Variants in EGLN1 observed in about 807,000 individuals in gnomAD.
The protein encoded by EGLN1 is egl-9 family hypoxia inducible factor 1.
EGLN1 carries 17 observed loss-of-function variants against 38.3 expected under a neutral mutation model. That is an observed-to-expected ratio of 0.44 (90% CI 0.30 to 0.67). The LOEUF (loss-of-function observed/expected upper bound fraction) is 0.67, where lower values mean the gene tolerates loss of function less well. EGLN1 is among the 30% of genes least tolerant of loss of function. EGLN1 has a pLI of 0.08. For missense variants in EGLN1, 477 were observed against 603.3 expected (o/e 0.79, Z 2.19); for synonymous variants, 283 against 257.5 (o/e 1.10, Z -0.95).
At chr1:231,366,809 C>T (rs1477693991) in intron 4 of EGLN1, among the ~76,000 whole-genome samples, 3 of 152,162 alleles carry the variant, frequency 2.0e-5, no homozygotes, top group Non-Finnish European at 2.9e-5. Context: ...TTTAAAAATA[C>T]ATAGAAAATG....
chr1:231,412,982 T>C (rs1558081386), intron 1 of EGLN1, among the ~76,000 whole-genome samples: 1 of 151,746 alleles, frequency 6.6e-6, no homozygotes, highest in Admixed American at 6.6e-5. Flanking sequence ...ATATCCAGAA[T>C]ATATCCTACA....
chr1:231,418,848 C>G (rs2790861), intron 1 of EGLN1, among the ~76,000 whole-genome samples: 22,690 of 143,998 alleles, frequency 0.16, 2,107 homozygotes, highest in African/African-American at 0.26. Flanking sequence ...GGCAACAAAG[C>G]AAGACCCTGT....
At chr1:231,403,562 G>A (rs1688713937) in intron 1 of EGLN1, among the ~76,000 whole-genome samples, 1 of 151,804 alleles carries the variant, frequency 6.6e-6, no homozygotes, top group African/African-American at 2.4e-5. Context: ...CCTGAGGTTG[G>A]GAGTTCAAGA....
At chr1:231,374,503 T>C (rs565568432) in intron 1 of EGLN1, among the ~76,000 whole-genome samples, 3 of 149,834 alleles carry the variant, frequency 2.0e-5, no homozygotes, top group African/African-American at 7.3e-5. Flanking sequence ...CATCTGACAC[T>C]GTCTCTGAAT....
At chr1:231,388,499 G>C (rs1558385790) in intron 1 of EGLN1, among the ~76,000 whole-genome samples, 1 of 152,126 alleles carries the variant, frequency 6.6e-6, no homozygotes, top group Non-Finnish European at 1.5e-5. Context: ...GTCTGTCTCA[G>C]TCTCACTCTG....
intron 1 of EGLN1, among the ~76,000 whole-genome samples, chr1:231,396,958 A>G (rs891642323): frequency 1.3e-5 from 2 of 152,202 alleles, no homozygotes; most frequent in African/African-American, 2.4e-5. Flanking sequence ...ACATCTTAAA[A>G]GAAGCTCTTA....
Position 231,366,387 on chromosome 1 carries a change from T to G in EGLN1, c.*24A>C, listed in dbSNP as rs762088768. On this transcript the variant is annotated 3_prime_UTR_variant, in exon 5 of 5. Transcript: ENST00000366641. Reference sequence around the variant, plus strand: ...ATAGTTAACAATATTGTAGGTGAAGTGGGGTATTGCTGGATCAAAGGCTCT... The same window carrying G: ...ATAGTTAACAATATTGTAGGTGAAGGGGGGTATTGCTGGATCAAAGGCTCT... 10 of 1,610,636 alleles carry G rather than the reference T, an allele frequency of 6.2e-6. No homozygotes were observed. The African/African-American group carries it at 1.3e-4, about 22-fold the overall frequency.
intron 1 of EGLN1, among the ~76,000 whole-genome samples, chr1:231,382,922 G>A (rs112122937): frequency 0.015 from 2,243 of 152,020 alleles, 70 homozygotes; most frequent in African/African-American, 0.051. Flanking sequence ...CCCAGGTGGG[G>A]TGGCACACGC....
At chr1:231,373,589 C>A (rs1177098906) in intron 2 of EGLN1, among the ~76,000 whole-genome samples, 1 of 151,998 alleles carries the variant, frequency 6.6e-6, no homozygotes, top group Non-Finnish European at 1.5e-5. Flanking sequence ...GATATATACG[C>A]ACACCCTCAT....
At chr1:231,396,934 T>C (rs1688544150) in intron 1 of EGLN1, among the ~76,000 whole-genome samples, 1 of 152,154 alleles carries the variant, frequency 6.6e-6, no homozygotes, top group African/African-American at 2.4e-5. Flanking sequence ...TAACTCTCTC[T>C]ACCTCCAATA....
intron 1 of EGLN1, among the ~76,000 whole-genome samples, chr1:231,381,666 T>G (rs1016872455): frequency 1.3e-5 from 2 of 152,214 alleles, no homozygotes; most frequent in Admixed American, 1.3e-4. Flanking sequence ...TTCATTTCCC[T>G]TTTAGTGAAG....
intron 1 of EGLN1, among the ~76,000 whole-genome samples, chr1:231,415,081 G>C (rs1689043128): frequency 6.6e-6 from 1 of 151,950 alleles, no homozygotes. Flanking sequence ...GACCAGCCTA[G>C]ACAACATAAC....
At position 231,415,186 on chromosome 1, in the gene EGLN1, T is replaced by C. The variant is rs555055970; in HGVS notation, c.891+5812A>G. On this transcript the variant is annotated intron_variant, in intron 1 of 4. Transcript: ENST00000366641. ...TACTACGGAGACTCAAGTGGGAGGA[T>C]TGTTTGAGCCCAGGAGCTGGAGGCT... Among the ~76,000 whole-genome samples, 371 of 151,466 alleles carry C rather than the reference T, an allele frequency of 2.4e-3. 1 individual carries two copies. Among genetic ancestry groups the C allele is most frequent in the African/African-American group, 6.8e-3 (280 of 41,218 alleles).
chr1:231,409,757 T>C (rs1688887735), intron 1 of EGLN1, among the ~76,000 whole-genome samples: 1 of 152,228 alleles, frequency 6.6e-6, no homozygotes, highest in African/African-American at 2.4e-5. Flanking sequence ...TTACAGCTAA[T>C]ACTAATTGAG....
chr1:231,419,595 G>A (rs1656498924), intron 1 of EGLN1, among the ~76,000 whole-genome samples: 1 of 152,054 alleles, frequency 6.6e-6, no homozygotes, highest in African/African-American at 2.4e-5. Context: ...TTTTATCAAT[G>A]AAAATCTAGT....
rs547747077 is a variant in EGLN1, at chr1:231,383,057, CAAAAAAAAAAAAA to C, written c.892-8971_892-8959del. 7.3e-3 allele frequency among the ~76,000 whole-genome samples: 513 copies of C among 70,574 alleles called. 2 individuals are homozygous for C. The highest frequency in any genetic ancestry group is 0.03 in the African/African-American group (481 of 15,866). 46.3% of individuals were successfully genotyped at this position (70,574 alleles called of 152,430 possible). ...TGGGCAACAGAGCGAAACTCTGTCT[CAAAAAAAAAAAAA>C]AAAAAAAAAAAAAAAAGGTGCTTGT... On this transcript the variant is annotated intron_variant, in intron 1 of 4. Coordinates refer to ENST00000366641, the MANE Select transcript of EGLN1 (RefSeq NM_022051.3).
Position 231,367,609 on chromosome 1 carries a change from A to G in EGLN1, c.1176T>C (p.Asp392=), listed in dbSNP as rs1437636787. 4 of 1,614,056 alleles carry G rather than the reference A, an allele frequency of 2.5e-6. No individual in the cohort carries two copies. Among genetic ancestry groups the G allele is most frequent in the Admixed American group, 3.3e-5 (2 of 60,028 alleles). ...TRYAITVWYF[D]ADERARAKVK... ...CTTTAGCTCGTGCTCTCTCATCTGC[A>G]TCAAAATACCAAACAGTTATTGCGT... is the stretch of plus-strand genomic sequence containing the variant. The change falls in exon 4 of 5, where the codon GAT becomes GAC. Residue 392 remains aspartate (D), a synonymous_variant. Transcript: ENST00000366641.
chr1:231,369,243 C>T (rs760833078), intron 3 of EGLN1, among the ~76,000 whole-genome samples: 3 of 152,208 alleles, frequency 2.0e-5, no homozygotes, highest in Non-Finnish European at 4.4e-5. Context: ...CCCTTCAAAG[C>T]GCACTTGCCC....
intron 1 of EGLN1, among the ~76,000 whole-genome samples, chr1:231,409,259 A>C (rs893292097): frequency 6.6e-6 from 1 of 151,330 alleles, no homozygotes; most frequent in African/African-American, 2.4e-5. Context: ...AAAAAAAACA[A>C]AAAAAAACCT....
Sources: allele counts gnomAD v4.1 joint callset (sites outside exome capture counted in the v4.1 genomes callset), GRCh38; gene constraint gnomAD v4.1.1; transcripts MANE v1.5; gene names NCBI Gene and HGNC (gene_info 2026-07-23, HGNC 2026-07-21).